The following ALMS1 variants were observed in gnomAD, a reference collection of about 807,000 sequenced individuals.
The protein encoded by ALMS1 is centrosome-associated protein ALMS1.
In ALMS1, 271 loss-of-function variants were observed where a neutral mutation model predicts 352.2. The ratio of observed to expected loss-of-function variants is 0.77; its 90% CI spans 0.70 to 0.85. The LOEUF (loss-of-function observed/expected upper bound fraction) is 0.85, where lower values mean the gene tolerates loss of function less well. Ranked by LOEUF, ALMS1 falls within the 40% of genes least tolerant of loss-of-function variation. ALMS1 has a pLI of 0.00. For missense variants in ALMS1, 5,445 were observed against 4,870.7 expected, an observed-to-expected ratio of 1.12 and a Z score of -3.51; for synonymous variants, 1,865 against 1,761.2, an observed-to-expected ratio of 1.06 and a Z score of -1.48.
intron 1 of ALMS1, among the ~76,000 whole-genome samples, chr2:73,399,642 A>G (rs1670831928): frequency 6.6e-6 from 1 of 151,890 alleles, no homozygotes; most frequent in Non-Finnish European, 1.5e-5. Flanking sequence ...CCCACCTCCA[A>G]CACTGGGGAT....
chr2:73,502,883 A>G (rs1572978580), intron 10 of ALMS1, among the ~76,000 whole-genome samples: 1 of 152,266 alleles, frequency 6.6e-6, no homozygotes, highest in East Asian at 1.9e-4. Context: ...GAAAAGGTAA[A>G]TATGGCACAA....
chr2:73,399,514 C>T lies in ALMS1; in HGVS notation c.325-9108C>T, dbSNP rs76731004. Among the ~76,000 whole-genome samples, 5 of 151,752 alleles carry T rather than the reference C, an allele frequency of 3.3e-5. No individual in the cohort carries two copies. The East Asian group carries it at 5.8e-4, about 18-fold the overall frequency. ...AGAGAGCAAGGGAGGAGGTGCCACT[C>T]TTTTAAACAACCAGGTCTTGTGTGA... On this transcript the variant is annotated intron_variant, in intron 1 of 22. Coordinates refer to ENST00000613296, the MANE Select transcript of ALMS1 (RefSeq NM_001378454.1).
At chr2:73,414,489 G>GTTTTTTTTTTTTTTTTT (rs11395837) in intron 2 of ALMS1, among the ~76,000 whole-genome samples, 2 of 94,250 alleles carry the variant, frequency 2.1e-5, no homozygotes. Context: ...TTTTTTTTTT[G>GTTTTTTTTTTTTTTTTT]TTTTTTTTTT....
intron 16 of ALMS1, among the ~76,000 whole-genome samples, chr2:73,577,039 C>T (rs1286025568): frequency 3.9e-5 from 6 of 152,146 alleles, no homozygotes; most frequent in Non-Finnish European, 5.9e-5. Flanking sequence ...TCATATGCTG[C>T]TGGATTCAGT....
chr2:73,388,866 C>T (rs1007151535), intron 1 of ALMS1, among the ~76,000 whole-genome samples: 1 of 152,072 alleles, frequency 6.6e-6, no homozygotes, highest in African/African-American at 2.4e-5. Flanking sequence ...TCCGCCTTGG[C>T]TTCCCAAAGT....
chr2:73,403,046 A>G (rs572896668), intron 1 of ALMS1, among the ~76,000 whole-genome samples: 1 of 152,098 alleles, frequency 6.6e-6, no homozygotes, highest in Non-Finnish European at 1.5e-5. Flanking sequence ...ATTTAGTTCT[A>G]TTTATTTATT....
chr2:73,531,813 T>C (rs1673919577), intron 11 of ALMS1, among the ~76,000 whole-genome samples: 1 of 152,196 alleles, frequency 6.6e-6, no homozygotes, highest in African/African-American at 2.4e-5. Flanking sequence ...AAGACACATC[T>C]TACGTGGCAG....
At chr2:73,408,847 A>C in intron 2 of ALMS1, 100 bp downstream of exon 2, 1 of 825,016 alleles carries the variant, frequency 1.2e-6, no homozygotes, top group East Asian at 4.0e-5. Context: ...ATATTCATTA[A>C]TATTATGTTT....
chr2:73,484,402 C>T (rs1231455942), intron 9 of ALMS1, among the ~76,000 whole-genome samples: 2 of 151,022 alleles, frequency 1.3e-5, no homozygotes, highest in Non-Finnish European at 3.0e-5. Context: ...AATATTGGCC[C>T]CCACTCTCTT....
intron 8 of ALMS1, 51 bp downstream of exon 8, chr2:73,454,118 A>T: frequency 6.4e-7 from 1 of 1,555,708 alleles, no homozygotes; most frequent in Non-Finnish European, 8.7e-7. Flanking sequence ...TAATGTGTTT[A>T]AAGTTAGATA....
At chr2:73,584,552 C>G (rs1675266270) in intron 16 of ALMS1, among the ~76,000 whole-genome samples, 1 of 152,128 alleles carries the variant, frequency 6.6e-6, no homozygotes, top group Non-Finnish European at 1.5e-5. Flanking sequence ...ATTAACAGTT[C>G]TTAATTCAAA....
chr2:73,488,591 T>C (rs1672906414), intron 9 of ALMS1, among the ~76,000 whole-genome samples: 1 of 152,120 alleles, frequency 6.6e-6, no homozygotes, highest in African/African-American at 2.4e-5. Flanking sequence ...TGTTCCTGGC[T>C]CCCACCACCT....
chr2:73,432,100 A>T, intron 6 of ALMS1, 98 bp from the exon 7 acceptor site: 1 of 895,898 alleles, frequency 1.1e-6, no homozygotes, highest in Non-Finnish European at 1.8e-6. Context: ...GTTTGAAATT[A>T]ATATCTTATT....
At chr2:73,397,619 C>T (rs1227304222) in intron 1 of ALMS1, among the ~76,000 whole-genome samples, 1 of 152,132 alleles carries the variant, frequency 6.6e-6, no homozygotes, top group Non-Finnish European at 1.5e-5. Flanking sequence ...AGGCATATGC[C>T]ACCACGCTCA....
intron 16 of ALMS1, among the ~76,000 whole-genome samples, chr2:73,574,279 A>G (rs1675006283): frequency 6.6e-6 from 1 of 152,170 alleles, no homozygotes; most frequent in Non-Finnish European, 1.5e-5. Context: ...GGGTCAATAA[A>G]TGTAGGCCAT....
intron 11 of ALMS1, among the ~76,000 whole-genome samples, chr2:73,528,420 A>G (rs543759081): frequency 1.3e-5 from 2 of 152,304 alleles, no homozygotes; most frequent in South Asian, 2.1e-4. Flanking sequence ...TTGGGTCCAT[A>G]TATATTTACA....
In ALMS1 at chr2:73,450,634, G is replaced by C. The variant is rs773458432; in HGVS notation, c.4107G>C (p.Gln1369His). 5 of 1,613,198 alleles carry C rather than the reference G, an allele frequency of 3.1e-6. No individual in the cohort carries two copies. The highest frequency in any genetic ancestry group is 2.2e-5 in the South Asian group (2 of 91,042). The change falls in exon 8 of 23, where the codon CAG (glutamine) becomes CAC (histidine). Residue 1369 changes from glutamine (Q) to histidine (H), a missense_variant. By Grantham distance (24) the Gln-to-His change is conservative. Transcript: ENST00000613296. Reference protein sequence around the residue: ...KISVASEPVDQTTGTPTVTST... With the variant: ...KISVASEPVDHTTGTPTVTST... ...CAGTTGCCTCTGAACCAGTTGACCAGACAACTGGCACACCAACTGTAACCT... is the reference window on the plus strand; with the variant it reads ...CAGTTGCCTCTGAACCAGTTGACCACACAACTGGCACACCAACTGTAACCT...
At chr2:73,464,545 G>A (rs538145971) in intron 9 of ALMS1, among the ~76,000 whole-genome samples, 1,568 of 152,246 alleles carry the variant, frequency 0.01, 17 homozygotes, top group Non-Finnish European at 0.014. Flanking sequence ...CAAGACAGGG[G>A]TGCCCTCTCT....
chr2:73,486,942 C>A (rs1331456554), intron 9 of ALMS1, among the ~76,000 whole-genome samples: 1 of 152,168 alleles, frequency 6.6e-6, no homozygotes, highest in African/African-American at 2.4e-5. Context: ...GTTGTCCCAG[C>A]TATCCAGGAG....
Sources: gnomAD v4.1 joint callset for allele counts (sites outside exome capture counted in the v4.1 genomes callset) on GRCh38, gnomAD v4.1.1 for gene constraint, MANE v1.5 for transcripts, NCBI Gene and HGNC (gene_info 2026-07-23, HGNC 2026-07-21) for gene names.